STXBP5L: variants seen among roughly 807,000 people sequenced by gnomAD.
The protein encoded by STXBP5L is syntaxin-binding protein 5-like.
In STXBP5L, 65 loss-of-function variants were observed where a neutral mutation model predicts 144.5. That is an observed-to-expected ratio of 0.45 (90% CI 0.37 to 0.55). STXBP5L has a LOEUF of 0.55. STXBP5L is among the 20% of genes least tolerant of loss of function. The probability of loss-of-function intolerance (pLI) is 0.00; values close to 1 mark genes in which losing one functional copy is unlikely to be tolerated. For missense variants in STXBP5L, 1,298 were observed against 1,405.5 expected (o/e 0.92, Z 1.22); for synonymous variants, 505 against 469.6 (o/e 1.08, Z -0.97).
chr3:121,055,121 T>C (rs1948357559), intron 5 of STXBP5L, among the ~76,000 whole-genome samples: 1 of 152,160 alleles, frequency 6.6e-6, no homozygotes, highest in South Asian at 2.1e-4. Flanking sequence ...GTTTTAATGC[T>C]TACATTAAAG....
chr3:121,149,288 A>G (rs1191925023), intron 7 of STXBP5L, among the ~76,000 whole-genome samples: 1 of 152,038 alleles, frequency 6.6e-6, no homozygotes, highest in Non-Finnish European at 1.5e-5. Context: ...AATAAAAGAA[A>G]TGTATAACAT....
chr3:120,975,212 A>T (rs1469970180), intron 3 of STXBP5L, among the ~76,000 whole-genome samples: 2 of 151,886 alleles, frequency 1.3e-5, no homozygotes, highest in African/African-American at 4.8e-5. Flanking sequence ...ATCCTCTTTT[A>T]TTTCCTTGAG....
At chr3:121,182,258 C>T (rs1347456500) in intron 9 of STXBP5L, among the ~76,000 whole-genome samples, 1 of 152,036 alleles carries the variant, frequency 6.6e-6, no homozygotes, top group Non-Finnish European at 1.5e-5. Context: ...CCAAGATAGA[C>T]CATATGATAG....
At chr3:121,304,597 C>G (rs550695293) in intron 19 of STXBP5L, among the ~76,000 whole-genome samples, 83 of 152,166 alleles carry the variant, frequency 5.5e-4, no homozygotes, top group Middle Eastern at 3.4e-3. Flanking sequence ...TTAAGCAACT[C>G]ATCTCTAAAT....
chr3:120,991,087 A>G (rs984432454), intron 3 of STXBP5L, among the ~76,000 whole-genome samples: 2 of 152,082 alleles, frequency 1.3e-5, no homozygotes, highest in East Asian at 1.9e-4. Context: ...CTCATCTGAC[A>G]AAGGGCTAAT....
chr3:121,014,971 C>T (rs1237294482), intron 3 of STXBP5L, among the ~76,000 whole-genome samples: 1 of 151,516 alleles, frequency 6.6e-6, no homozygotes, highest in East Asian at 1.9e-4. Flanking sequence ...TATTCAAGAC[C>T]TCTATACTGA....
chr3:120,989,929 C>T (rs1576588587), intron 3 of STXBP5L, among the ~76,000 whole-genome samples: 5 of 152,160 alleles, frequency 3.3e-5, no homozygotes, highest in African/African-American at 1.2e-4. Flanking sequence ...ACCACTTCTG[C>T]TCAACATAGT....
At chr3:121,082,252 A>G (rs1223982679) in intron 5 of STXBP5L, among the ~76,000 whole-genome samples, 1 of 152,182 alleles carries the variant, frequency 6.6e-6, no homozygotes, top group Non-Finnish European at 1.5e-5. Flanking sequence ...TCATGAACAT[A>G]GTATGTCTCT....
chr3:121,316,958 C>A (rs561316257), intron 19 of STXBP5L, among the ~76,000 whole-genome samples: 3 of 152,290 alleles, frequency 2.0e-5, no homozygotes, highest in African/African-American at 7.2e-5. Flanking sequence ...CTGTTCAAGT[C>A]AGTACACTTT....
At chr3:121,100,855 A>G (rs2043384726) in intron 5 of STXBP5L, among the ~76,000 whole-genome samples, 1 of 149,286 alleles carries the variant, frequency 6.7e-6, no homozygotes, top group Non-Finnish European at 1.5e-5. Flanking sequence ...AGCTAGATTA[A>G]CAAAGAAAAA....
At chr3:121,215,607 C>T (rs574418939) in intron 10 of STXBP5L, among the ~76,000 whole-genome samples, 3 of 152,074 alleles carry the variant, frequency 2.0e-5, no homozygotes, top group Non-Finnish European at 2.9e-5. Context: ...GTAGGTAACC[C>T]GACCTTTCTC....
chr3:121,167,891 C>T (rs1192714025), intron 9 of STXBP5L, among the ~76,000 whole-genome samples: 2 of 152,186 alleles, frequency 1.3e-5, no homozygotes, highest in Non-Finnish European at 2.9e-5. Flanking sequence ...GACTTGGAGA[C>T]ACCTCCCAGC....
chr3:121,209,847 G>A (rs1404144386), intron 10 of STXBP5L, among the ~76,000 whole-genome samples: 1 of 152,138 alleles, frequency 6.6e-6, no homozygotes, highest in Non-Finnish European at 1.5e-5. Flanking sequence ...GGACATTTGG[G>A]TTGGCTCCAA....
chr3:121,314,533 G>C (rs1321416102), intron 19 of STXBP5L, among the ~76,000 whole-genome samples: 62 of 146,870 alleles, frequency 4.2e-4, no homozygotes, highest in African/African-American at 1.5e-3. Flanking sequence ...GCAGTGAGCC[G>C]AGATGGCAGC....
At position 121,280,909 on chromosome 3, in the gene STXBP5L, C is replaced by CTAATAA. The variant is rs150499478; in HGVS notation, c.2110+969_2110+974dup. On this transcript the variant is annotated intron_variant, in intron 19 of 26. Coordinates refer to ENST00000471454, the MANE Select transcript of STXBP5L (RefSeq NM_001308330.2). ...TACGTAACATAGTGTGACCCCATCT[C>CTAATAA]TAATAATAATAATAATAATAACTTT... Among the ~76,000 whole-genome samples, 12 of 149,010 alleles carry CTAATAA rather than the reference C, an allele frequency of 8.1e-5. No individual in the cohort carries two copies. In the South Asian group the frequency reaches 8.5e-4, roughly 11 times the overall value.
At chr3:121,345,281 T>C (rs2108594499) in intron 20 of STXBP5L, among the ~76,000 whole-genome samples, 1 of 152,190 alleles carries the variant, frequency 6.6e-6, no homozygotes, top group South Asian at 2.1e-4. Flanking sequence ...GTCCTTGTGA[T>C]AGTTTGCTGA....
At chr3:121,390,975 T>G (rs570257330) in intron 22 of STXBP5L, among the ~76,000 whole-genome samples, 3 of 152,212 alleles carry the variant, frequency 2.0e-5, no homozygotes, top group African/African-American at 7.2e-5. Context: ...CCCTGAAGAG[T>G]GTTTTCCAAC....
intron 3 of STXBP5L, among the ~76,000 whole-genome samples, chr3:121,031,311 A>G (rs1348934614): frequency 6.6e-6 from 1 of 152,112 alleles, no homozygotes; most frequent in East Asian, 1.9e-4. Context: ...GTATGTGCAT[A>G]CATATATGTA....
intron 2 of STXBP5L, among the ~76,000 whole-genome samples, chr3:120,911,046 A>C (rs1708807931): frequency 6.6e-6 from 1 of 152,130 alleles, no homozygotes; most frequent in African/African-American, 2.4e-5. Context: ...CTGATTCTCT[A>C]ATCTTTGATG....
Sources: gnomAD v4.1 joint callset for allele counts (sites outside exome capture counted in the v4.1 genomes callset) on GRCh38, gnomAD v4.1.1 for gene constraint, MANE v1.5 for transcripts, NCBI Gene and HGNC (gene_info 2026-07-23, HGNC 2026-07-21) for gene names.